The following TCF7L1 variants were observed in gnomAD, a reference collection of about 807,000 sequenced individuals.
TCF7L1 encodes the protein transcription factor 7-like 1.
In TCF7L1, 18 loss-of-function variants were observed where a neutral mutation model predicts 63.7. That is an observed-to-expected ratio of 0.28 (90% CI 0.20 to 0.42). The LOEUF (loss-of-function observed/expected upper bound fraction) is 0.42, where lower values mean the gene tolerates loss of function less well. TCF7L1 is among the 10% of genes least tolerant of loss of function. TCF7L1 has a pLI of 1.00. For synonymous variants in TCF7L1, 355 were observed against 340.9 expected, an observed-to-expected ratio of 1.04 and a Z score of -0.46; for missense variants, 654 against 779.3, an observed-to-expected ratio of 0.84 and a Z score of 1.91.
intron 3 of TCF7L1, among the ~76,000 whole-genome samples, chr2:85,229,974 A>G (rs1244450597): frequency 2.0e-5 from 3 of 152,094 alleles, no homozygotes; most frequent in Non-Finnish European, 4.4e-5. Context: ...TGCCAGTAAC[A>G]CTCCAGCCTG....
At chr2:85,273,319 G>A (rs187762084) in intron 3 of TCF7L1, among the ~76,000 whole-genome samples, 38 of 152,220 alleles carry the variant, frequency 2.5e-4, no homozygotes, top group African/African-American at 7.0e-4. Flanking sequence ...CTCCATATTC[G>A]TCCTCCCCCA....
At chr2:85,204,885 G>GTTTTTTTT (rs66779531) in intron 3 of TCF7L1, 2 of 142,350 alleles carry the variant, frequency 1.4e-5, no homozygotes, top group Non-Finnish European at 1.6e-5. Context: ...ACTTAGTTTT[G>GTTTTTTTT]TTTGTTTTTT....
At chr2:85,146,207 A>T (rs1266549880) in intron 3 of TCF7L1, among the ~76,000 whole-genome samples, 1 of 152,180 alleles carries the variant, frequency 6.6e-6, no homozygotes, top group African/African-American at 2.4e-5. Context: ...TGTGCATCTG[A>T]TATTATCACC....
At chr2:85,224,139 T>C (rs1679905914) in intron 3 of TCF7L1, among the ~76,000 whole-genome samples, 1 of 152,270 alleles carries the variant, frequency 6.6e-6, no homozygotes, top group Non-Finnish European at 1.5e-5. Context: ...TATAGCTGCA[T>C]AGTATTCCAT....
At chr2:85,307,214 G>A (rs114491292) in intron 10 of TCF7L1, among the ~76,000 whole-genome samples, 3,158 of 152,270 alleles carry the variant, frequency 0.021, 43 homozygotes, top group Middle Eastern at 0.034. Flanking sequence ...CTCAGGGGGC[G>A]TGTCTCTAAG....
chr2:85,143,771 G>A (rs1574076769), intron 3 of TCF7L1, among the ~76,000 whole-genome samples: 1 of 152,240 alleles, frequency 6.6e-6, no homozygotes, highest in Admixed American at 6.5e-5. Flanking sequence ...AAATCCTGGT[G>A]TGAGTTATCA....
chr2:85,165,900 A>G (rs1280626281), intron 3 of TCF7L1, among the ~76,000 whole-genome samples: 1 of 152,196 alleles, frequency 6.6e-6, no homozygotes, highest in Non-Finnish European at 1.5e-5. Flanking sequence ...TAACTAGACT[A>G]CAGACCTTCA....
rs766809838 is a variant in TCF7L1 at position 85,303,931 on chromosome 2, C to A, written c.695C>A (p.Pro232Gln). The part of the protein sequence containing the change: ...PRPPHPSELS[P>Q]YYPLSPGAVG... The stretch of plus-strand genomic sequence containing the variant: ...CCCCCTCACCCATCCGAGCTGTCAC[C>A]GTATTACCCACTCTCTCCCGGAGCT... The change falls in exon 6 of 12, where the codon CCG (proline) becomes CAG (glutamine). Residue 232 changes from proline (P) to glutamine (Q), a missense_variant. Physicochemically the swap from Pro to Gln is moderately conservative, Grantham distance 76. Transcript: ENST00000282111. 10 of 1,613,792 alleles carry A rather than the reference C, an allele frequency of 6.2e-6. No individual in the cohort carries two copies. The highest frequency in any genetic ancestry group is 8.5e-6 in the Non-Finnish European group (10 of 1,179,802).
Position 85,212,089 on chromosome 2 carries a change from C to CAAAAAAAA in TCF7L1, c.442-71386_442-71379dup, listed in dbSNP as rs61280306. On this transcript the variant is annotated intron_variant, in intron 3 of 11. Coordinates refer to ENST00000282111, the MANE Select transcript of TCF7L1 (RefSeq NM_031283.3). ...TGGGCGACAGAGCAAGACTCCATCT[C>CAAAAAAAA]AAAAAAAAAAAAAAAAAAAAAAAAA... 2.4e-4 allele frequency among the ~76,000 whole-genome samples: 17 copies of CAAAAAAAA among 69,808 alleles called. 1 individual carries two copies. Among genetic ancestry groups the CAAAAAAAA allele is most frequent in the African/African-American group, 6.4e-4 (13 of 20,404 alleles). 45.8% of individuals were successfully genotyped at this position (69,808 alleles called of 152,430 possible). A position where few individuals can be genotyped will look rare whatever the true frequency, so the allele number is the denominator to read the frequency against.
chr2:85,161,081 C>T (rs545117402), intron 3 of TCF7L1, among the ~76,000 whole-genome samples: 4 of 152,236 alleles, frequency 2.6e-5, no homozygotes, highest in Non-Finnish European at 4.4e-5. Flanking sequence ...AAGGATTTAC[C>T]GTATGCCTTG....
At chr2:85,269,966 T>G (rs1233933867) in intron 3 of TCF7L1, among the ~76,000 whole-genome samples, 1 of 152,070 alleles carries the variant, frequency 6.6e-6, no homozygotes, top group African/African-American at 2.4e-5. Context: ...GTCGGAGAGC[T>G]CTCCTGGAAC....
intron 3 of TCF7L1, among the ~76,000 whole-genome samples, chr2:85,209,965 G>A (rs764369770): frequency 2.0e-5 from 3 of 152,074 alleles, no homozygotes; most frequent in Non-Finnish European, 2.9e-5. Flanking sequence ...TTGAGACATG[G>A]GTGTCTCTTG....
intron 3 of TCF7L1, among the ~76,000 whole-genome samples, chr2:85,171,933 C>G (rs984508849): frequency 6.6e-6 from 1 of 152,074 alleles, no homozygotes; most frequent in Non-Finnish European, 1.5e-5. Flanking sequence ...CCCCTCCCCC[C>G]ACACTGCCCT....
At chr2:85,210,707 G>A (rs1254949116) in intron 3 of TCF7L1, among the ~76,000 whole-genome samples, 2 of 152,148 alleles carry the variant, frequency 1.3e-5, no homozygotes, top group East Asian at 1.9e-4. Context: ...AGGGAATAGC[G>A]ACTTAGTGTT....
At chr2:85,293,750 T>A (rs1011495807) in intron 4 of TCF7L1, among the ~76,000 whole-genome samples, 2 of 152,210 alleles carry the variant, frequency 1.3e-5, no homozygotes, top group South Asian at 4.1e-4. Flanking sequence ...AGAAATAAAT[T>A]ATTGCAAGTG....
chr2:85,181,111 A>C (rs1425533774), intron 3 of TCF7L1, among the ~76,000 whole-genome samples: 1 of 152,094 alleles, frequency 6.6e-6, no homozygotes, highest in Non-Finnish European at 1.5e-5. Context: ...ACCCCTCCTG[A>C]GTTGGGGCTT....
chr2:85,218,570 G>C (rs1238395167), intron 3 of TCF7L1, among the ~76,000 whole-genome samples: 1 of 151,770 alleles, frequency 6.6e-6, no homozygotes, highest in East Asian at 1.9e-4. Context: ...CTGACTTCTA[G>C]TGGTTCCAAA....
intron 3 of TCF7L1, among the ~76,000 whole-genome samples, chr2:85,232,161 C>T (rs549110695): frequency 6.6e-6 from 1 of 152,314 alleles, no homozygotes; most frequent in African/African-American, 2.4e-5. Context: ...CCAGCAGAGG[C>T]TGGAGACTTG....
At chr2:85,173,210 G>A (rs1678593835) in intron 3 of TCF7L1, among the ~76,000 whole-genome samples, 1 of 152,224 alleles carries the variant, frequency 6.6e-6, no homozygotes, top group Non-Finnish European at 1.5e-5. Context: ...TCTGAGCAGA[G>A]GGGCCTCACC....
Sources: allele counts gnomAD v4.1 joint callset (sites outside exome capture counted in the v4.1 genomes callset), GRCh38; gene constraint gnomAD v4.1.1; transcripts MANE v1.5; gene names NCBI Gene and HGNC (gene_info 2026-07-23, HGNC 2026-07-21).